RBP2: variants seen among roughly 807,000 people sequenced by gnomAD.
RBP2 encodes the protein retinol binding protein 2.
A neutral mutation model predicts 17.0 loss-of-function variants in RBP2; 17 were observed. The observed-to-expected ratio is 1.00, with a 90% CI of 0.68 to 1.50. The LOEUF is 1.50. RBP2 is among the 40% of genes most tolerant of loss of function. RBP2 has a pLI of 0.00. For missense variants in RBP2, 158 were observed against 168.2 expected (o/e 0.94, Z 0.33); for synonymous variants, 48 against 57.1 (o/e 0.84, Z 0.72).
intron 3 of RBP2, among the ~76,000 whole-genome samples, chr3:139,454,309 G>A (rs545551681): frequency 2.0e-5 from 3 of 152,070 alleles, no homozygotes; most frequent in Non-Finnish European, 2.9e-5. Flanking sequence ...AATACCTGTG[G>A]CAGTTCCCAG....
At chr3:139,473,031 T>G (rs1321127880) in intron 1 of RBP2, among the ~76,000 whole-genome samples, 4 of 152,164 alleles carry the variant, frequency 2.6e-5, no homozygotes, top group African/African-American at 4.8e-5. Flanking sequence ...CTTGATCATC[T>G]CTTAAAAATG....
intron 1 of RBP2, among the ~76,000 whole-genome samples, chr3:139,468,627 G>A (rs545622910): frequency 2.2e-4 from 34 of 152,094 alleles, no homozygotes; most frequent in African/African-American, 8.0e-4. Flanking sequence ...CTAATCAAAA[G>A]GGTTTAACTG....
At chr3:139,455,126 C>G (rs1357406213) in intron 2 of RBP2, among the ~76,000 whole-genome samples, 1 of 152,058 alleles carries the variant, frequency 6.6e-6, no homozygotes, top group Non-Finnish European at 1.5e-5. Flanking sequence ...ATAAATTTCA[C>G]TATATAACGA....
chr3:139,453,406 T>C (rs554958349), intron 3 of RBP2, among the ~76,000 whole-genome samples: 1 of 152,362 alleles, frequency 6.6e-6, no homozygotes, highest in East Asian at 1.9e-4. Flanking sequence ...GAAATGACCC[T>C]CTTGGGCAGG....
chr3:139,461,034 C>T (rs1933168882), intron 2 of RBP2, among the ~76,000 whole-genome samples: 1 of 152,146 alleles, frequency 6.6e-6, no homozygotes, highest in Admixed American at 6.5e-5. Flanking sequence ...TTGGTGGAAT[C>T]CTTAAATACA....
At chr3:139,461,067 T>A (rs3772879) in intron 2 of RBP2, among the ~76,000 whole-genome samples, 23,017 of 152,090 alleles carry the variant, frequency 0.15, 3,808 homozygotes, top group East Asian at 0.86. Flanking sequence ...TTTCTCCTAT[T>A]CCTGTTTGGT....
At chr3:139,464,022 T>C (rs1024605799) in intron 1 of RBP2, among the ~76,000 whole-genome samples, 1 of 152,188 alleles carries the variant, frequency 6.6e-6, no homozygotes, top group Admixed American at 6.5e-5. Flanking sequence ...AACACTATAT[T>C]GTGGCCATGA....
intron 1 of RBP2, among the ~76,000 whole-genome samples, chr3:139,465,150 C>T (rs1168652205): frequency 6.6e-6 from 1 of 152,092 alleles, no homozygotes; most frequent in Non-Finnish European, 1.5e-5. Context: ...AACAGTTGTT[C>T]TGAGCTTGGA....
intron 2 of RBP2, among the ~76,000 whole-genome samples, chr3:139,460,261 G>T (rs1933141944): frequency 6.6e-6 from 1 of 152,210 alleles, no homozygotes; most frequent in African/African-American, 2.4e-5. Context: ...ATGGTTCACA[G>T]GTTCAGAAAA....
intron 2 of RBP2, among the ~76,000 whole-genome samples, chr3:139,461,613 GT>G (rs1338494941): frequency 1.3e-5 from 2 of 151,874 alleles, no homozygotes; most frequent in Non-Finnish European, 2.9e-5. Flanking sequence ...TAATTGAGAT[GT>G]TTCATTTTAT....
intron 2 of RBP2, among the ~76,000 whole-genome samples, chr3:139,458,391 C>T (rs1359526778): frequency 3.9e-5 from 6 of 152,200 alleles, no homozygotes; most frequent in Admixed American, 3.3e-4. Context: ...GCATTATTGG[C>T]TCTAACCGCC....
chr3:139,468,607 C>T (rs913034224), intron 1 of RBP2, among the ~76,000 whole-genome samples: 4 of 152,246 alleles, frequency 2.6e-5, no homozygotes, highest in African/African-American at 9.6e-5. Context: ...TTGGTGGACT[C>T]ATGATATTTC....
chr3:139,458,927 G>T (rs1215530564), intron 2 of RBP2, among the ~76,000 whole-genome samples: 1 of 152,192 alleles, frequency 6.6e-6, no homozygotes, highest in Non-Finnish European at 1.5e-5. Flanking sequence ...AGGATAGGAA[G>T]TTGGGAATAC....
chr3:139,476,034 A>G (rs1287088861), intron 1 of RBP2, among the ~76,000 whole-genome samples: 1 of 152,214 alleles, frequency 6.6e-6, no homozygotes, highest in Non-Finnish European at 1.5e-5. Flanking sequence ...CCAAGTGGTT[A>G]TCAGAGAGAT....
rs559971613 is a variant in RBP2, at chr3:139,456,258, G to T, written c.253-1428C>A. 3.7e-3 allele frequency among the ~76,000 whole-genome samples: 568 copies of T among 152,168 alleles called. 4 individuals carry two copies. Among genetic ancestry groups the T allele is most frequent in the African/African-American group, 0.013 (533 of 41,506 alleles). On this transcript the variant is annotated intron_variant, in intron 2 of 3. Transcript: ENST00000232217. The stretch of plus-strand genomic sequence containing the variant: ...CCAGTTGGTGATAAACTGACCTGTG[G>T]TTTTTTCCCCAGTGTCCTTGTACAT...
At chr3:139,468,647 A>AACACACACACAAAC (rs1295332704) in intron 1 of RBP2, among the ~76,000 whole-genome samples, 14 of 151,376 alleles carry the variant, frequency 9.2e-5, no homozygotes, top group South Asian at 2.1e-4. Context: ...GAGGATGTAG[A>AACACACACACAAAC]ACACACACAC....
intron 1 of RBP2, among the ~76,000 whole-genome samples, chr3:139,470,274 C>A (rs1933519050): frequency 6.6e-6 from 1 of 152,168 alleles, no homozygotes; most frequent in African/African-American, 2.4e-5. Context: ...AGCCTGGGAC[C>A]CAAATTCATT....
At chr3:139,466,815 C>T (rs955812505) in intron 1 of RBP2, 2 of 152,174 alleles carry the variant, frequency 1.3e-5, no homozygotes, top group Non-Finnish European at 2.9e-5. Flanking sequence ...TTCCTTAGTT[C>T]TTTGTGTTTT....
At chr3:139,465,341 T>G (rs954965359) in intron 1 of RBP2, among the ~76,000 whole-genome samples, 1 of 152,134 alleles carries the variant, frequency 6.6e-6, no homozygotes, top group African/African-American at 2.4e-5. Flanking sequence ...CTAGGGATAG[T>G]GTCTAGGGAT....
Sources: allele counts gnomAD v4.1 joint callset (sites outside exome capture counted in the v4.1 genomes callset), GRCh38; gene constraint gnomAD v4.1.1; transcripts MANE v1.5; gene names NCBI Gene and HGNC (gene_info 2026-07-23, HGNC 2026-07-21).